OR3A2: variants seen among roughly 807,000 people sequenced by gnomAD.
The protein encoded by OR3A2 is olfactory receptor 3A2.
For missense variants in OR3A2, 318 were observed against 392.8 expected, an observed-to-expected ratio of 0.81 and a Z score of 1.61; for synonymous variants, 126 against 159.3, an observed-to-expected ratio of 0.79 and a Z score of 1.57.
intron 2 of OR3A2, among the ~76,000 whole-genome samples, chr17:3,340,784 T>C (rs2049310240): frequency 6.6e-6 from 1 of 152,168 alleles, no homozygotes; most frequent in South Asian, 2.1e-4. Flanking sequence ...ATTAGGTCCA[T>C]TTGGTGCAGA....
At chr17:3,378,990 A>G (rs879785344) in intron 2 of OR3A2, among the ~76,000 whole-genome samples, 3 of 152,200 alleles carry the variant, frequency 2.0e-5, no homozygotes, top group Non-Finnish European at 4.4e-5. Flanking sequence ...TGAGACTCAC[A>G]GGGGAGAAAT....
At chr17:3,322,837 CTG>C (rs1209675051) in intron 3 of OR3A2, among the ~76,000 whole-genome samples, 8 of 152,030 alleles carry the variant, frequency 5.3e-5, no homozygotes, top group Non-Finnish European at 7.4e-5. Flanking sequence ...TCTGAAAAGA[CTG>C]TATATTCTGT....
At chr17:3,367,211 A>C (rs2049571591) in intron 2 of OR3A2, among the ~76,000 whole-genome samples, 1 of 152,150 alleles carries the variant, frequency 6.6e-6, no homozygotes, top group Admixed American at 6.5e-5. Context: ...GCTCAGACTC[A>C]GTTGTTTTTA....
intron 1 of OR3A2, among the ~76,000 whole-genome samples, chr17:3,281,365 C>G (rs2048775764): frequency 6.6e-6 from 1 of 152,052 alleles, no homozygotes; most frequent in African/African-American, 2.4e-5. Context: ...TCCTCAGTAG[C>G]TGGGACTACA....
chr17:3,314,631 T>A (rs1204147041), intron 3 of OR3A2, among the ~76,000 whole-genome samples: 2 of 152,310 alleles, frequency 1.3e-5, no homozygotes, highest in East Asian at 3.9e-4. Flanking sequence ...CTCCATTTAC[T>A]CTGGTATTAT....
At chr17:3,282,612 C>T (rs990008080) in intron 1 of OR3A2, among the ~76,000 whole-genome samples, 1 of 152,132 alleles carries the variant, frequency 6.6e-6, no homozygotes, top group Non-Finnish European at 1.5e-5. Flanking sequence ...AATGTGGATG[C>T]GGTGATCTCC....
intron 2 of OR3A2, among the ~76,000 whole-genome samples, chr17:3,340,812 G>T (rs2049310556): frequency 6.6e-6 from 1 of 152,124 alleles, no homozygotes; most frequent in Non-Finnish European, 1.5e-5. Flanking sequence ...TCAATTCCTG[G>T]ATATCCTTGT....
At chr17:3,323,941 C>A (rs1394930078) in intron 3 of OR3A2, among the ~76,000 whole-genome samples, 1 of 152,110 alleles carries the variant, frequency 6.6e-6, no homozygotes, top group Admixed American at 6.6e-5. Flanking sequence ...TGGATAATAT[C>A]CTGCACAGTG....
At chr17:3,298,015 T>G (rs1367959661) in intron 3 of OR3A2, among the ~76,000 whole-genome samples, 1 of 152,098 alleles carries the variant, frequency 6.6e-6, no homozygotes, top group Non-Finnish European at 1.5e-5. Flanking sequence ...TCAAGATAGA[T>G]GGGGTGGTTC....
At chr17:3,285,006 T>G (rs1472462584), upstream of OR3A2, among the ~76,000 whole-genome samples, 1 of 152,060 alleles carries the variant, frequency 6.6e-6, no homozygotes, top group African/African-American at 2.4e-5. Context: ...TCCTGGGGAC[T>G]TGTTAGTGGG....
chr17:3,358,953 T>C (rs1024506791), intron 2 of OR3A2, among the ~76,000 whole-genome samples: 2 of 151,798 alleles, frequency 1.3e-5, no homozygotes, highest in Admixed American at 1.3e-4. Flanking sequence ...TTTATAAATC[T>C]GGGTACTCCT....
chr17:3,366,491 G>C (rs928824498), intron 2 of OR3A2, among the ~76,000 whole-genome samples: 1 of 152,146 alleles, frequency 6.6e-6, no homozygotes, highest in Non-Finnish European at 1.5e-5. Flanking sequence ...CAAAAGCTTG[G>C]AAATCACAAA....
At chr17:3,309,345 C>T (rs547680089) in intron 3 of OR3A2, among the ~76,000 whole-genome samples, 18 of 152,032 alleles carry the variant, frequency 1.2e-4, no homozygotes, top group Non-Finnish European at 2.4e-4. Flanking sequence ...TTGGATGATG[C>T]GTAATTAGAA....
intron 2 of OR3A2, among the ~76,000 whole-genome samples, chr17:3,364,915 G>GT (rs1306766383): frequency 9.9e-6 from 1 of 100,552 alleles, no homozygotes; most frequent in Non-Finnish European, 2.0e-5. Context: ...AAGCACTAAG[G>GT]TAAAAAAAAA....
At chr17:3,282,866 G>C (rs2048785884) in intron 1 of OR3A2, among the ~76,000 whole-genome samples, 1 of 152,170 alleles carries the variant, frequency 6.6e-6, no homozygotes, top group Non-Finnish European at 1.5e-5. Flanking sequence ...TGCTCATGCT[G>C]TTTTCCCCAC....
rs188752288 is a variant in OR3A2, at chr17:3,306,211, G to C, written c.-84-27058C>G. On this transcript the variant is annotated intron_variant, in intron 3 of 4. Transcript: ENST00000573491. ...CTGTTACCCAGGCCGAAATTCTATG[G>C]CGCCATCATAGCTCAACGCAGCCTC... 5.9e-5 allele frequency among the ~76,000 whole-genome samples: 9 copies of C among 152,186 alleles called. No individual in the cohort carries two copies. In the East Asian group the frequency reaches 1.7e-3, roughly 29 times the overall value.
chr17:3,349,942 T>C (rs1010235683), intron 2 of OR3A2, among the ~76,000 whole-genome samples: 3 of 151,154 alleles, frequency 2.0e-5, no homozygotes, highest in Non-Finnish European at 2.9e-5. Flanking sequence ...ACTGGGTACA[T>C]AATGAAATGA....
chr17:3,278,440 G>C, exon 2 of OR3A2: 1 of 1,614,228 alleles, frequency 6.2e-7, no homozygotes, highest in Non-Finnish European at 8.5e-7. Flanking sequence ...GTGTGGGTCA[G>C]TGCGTTGGTG....
Position 3,291,465 on chromosome 17 carries a change from A to G in OR3A2, c.-84-12312T>C, listed in dbSNP as rs145664973. ...GGCAGATCCTATACACTCATTGCTTATAATTGGACAGGGCTGCTTTCAGAA... is the reference window on the plus strand; with the variant it reads ...GGCAGATCCTATACACTCATTGCTTGTAATTGGACAGGGCTGCTTTCAGAA... On this transcript the variant is annotated intron_variant, in intron 3 of 4. Coordinates refer to the OR3A2 transcript ENST00000573491. The G allele has an allele frequency of 1.4e-3, 818 of 573,358 alleles. 6 individuals are homozygous for G. The highest frequency in any genetic ancestry group is 0.013 in the African/African-American group (725 of 53,858). 35.5% of individuals were successfully genotyped at this position (573,358 alleles called of 1,614,324 possible).
Sources: gnomAD v4.1 joint callset for allele counts (sites outside exome capture counted in the v4.1 genomes callset) on GRCh38, gnomAD v4.1.1 for gene constraint, MANE v1.5 for transcripts, NCBI Gene and HGNC (gene_info 2026-07-23, HGNC 2026-07-21) for gene names.